Variants in HERC2 observed in about 807,000 individuals in gnomAD.
HERC2 encodes HECT and RLD domain containing E3 ubiquitin protein ligase 2.
A neutral mutation model predicts 537.7 loss-of-function variants in HERC2; 102 were observed. The observed-to-expected ratio is 0.19, with a 90% CI of 0.16 to 0.22. The LOEUF is 0.22. HERC2 is among the 10% of genes least tolerant of loss of function. HERC2 has a pLI of 1.00. For missense variants in HERC2, 4,236 were observed against 6,198.2 expected, an observed-to-expected ratio of 0.68 and a Z score of 10.63; for synonymous variants, 2,224 against 2,466.2, an observed-to-expected ratio of 0.90 and a Z score of 2.91.
chr15:28,265,314 G>A lies in HERC2; in HGVS notation c.1870+304C>T, dbSNP rs117743506. 0.016 allele frequency among the ~76,000 whole-genome samples: 2,382 copies of A among 152,278 alleles called. 32 individuals are homozygous for A. Among genetic ancestry groups the A allele is most frequent in the Middle Eastern group, 0.044 (13 of 294 alleles). Reference sequence around the variant, plus strand: ...CACAGGGAATCAAGAGTGGCCGAACGTTAAGAAATGTAATAATACTAACCA... The same window carrying A: ...CACAGGGAATCAAGAGTGGCCGAACATTAAGAAATGTAATAATACTAACCA... On this transcript the variant is annotated intron_variant, in intron 14 of 92. Transcript: ENST00000261609. This position sits in a 1 kb window ranked among gnomAD's most constrained non-coding sequence, Gnocchi z 4.0.
rs1337114683 is a variant in HERC2, at chr15:28,248,680, G to C, written c.3107C>G (p.Ser1036Ter). 1 of 1,614,040 alleles carries C rather than the reference G, an allele frequency of 6.2e-7. No homozygotes were observed. ...RLKDVARRISSCLDFEQHSRE... is the reference protein window; with the variant it reads ...RLKDVARRIS ...ACTGTGTTGCTCAAAGTCCAGACAT[G>C]ATGAAATCCGACGGGCAACATCTTT... The change falls in exon 21 of 93, where the codon TCA becomes TGA. Residue 1036 changes from serine (S) to a stop codon, truncating the protein, a stop_gained. Transcript: ENST00000261609. LOFTEE classifies it high-confidence loss of function.
chr15:28,111,326 T>C lies in HERC2; in HGVS notation c.*437A>G, dbSNP rs114097653. 101 of 162,880 alleles carry C rather than the reference T, an allele frequency of 6.2e-4. No homozygotes were observed. Among genetic ancestry groups the C allele is most frequent in the African/African-American group, 2.3e-3 (97 of 41,964 alleles). The allele number at this position is 162,880 out of a possible 1,614,324, so 10.1% of individuals were successfully genotyped here. ...ATAAACAAATTCAGAGTAAAATTAATTGAAATATTTATAATACGATTTGTT... is the reference window on the plus strand; with the variant it reads ...ATAAACAAATTCAGAGTAAAATTAACTGAAATATTTATAATACGATTTGTT... On this transcript the variant is annotated 3_prime_UTR_variant, in exon 93 of 93. Transcript: ENST00000261609.
intron 2 of HERC2, among the ~76,000 whole-genome samples, chr15:28,304,852 CCT>C (rs1221295225): frequency 1.3e-4 from 15 of 113,940 alleles, no homozygotes; most frequent in African/African-American, 4.5e-4. Context: ...CAATGCTACC[CCT>C]CCCCCCTCCC....
chr15:28,144,953 CACA>C, intron 71 of HERC2, 149 bp from the exon 72 acceptor site: 1 of 922,718 alleles, frequency 1.1e-6, no homozygotes. Context: ...TGCACAGTGA[CACA>C]ACACTCTTGG....
chr15:28,227,673 C>T (rs1481445894), intron 35 of HERC2, among the ~76,000 whole-genome samples: 1 of 152,096 alleles, frequency 6.6e-6, no homozygotes, highest in Non-Finnish European at 1.5e-5. Flanking sequence ...TAGAAACAAG[C>T]ATTCAAACAA....
At position 28,128,305 on chromosome 15, in the gene HERC2, G is replaced by A. The variant is rs529271674; in HGVS notation, c.12802+1858C>T. On this transcript the variant is annotated intron_variant, in intron 83 of 92. Transcript: ENST00000261609. Reference sequence around the variant, plus strand: ...GGGGTGGGGGAGTGTGAACTGGCTGGCAGGACGAGCCTCCCTGTTTGTGGG... The same window carrying A: ...GGGGTGGGGGAGTGTGAACTGGCTGACAGGACGAGCCTCCCTGTTTGTGGG... Among the ~76,000 whole-genome samples, 117 of 152,278 alleles carry A rather than the reference G, an allele frequency of 7.7e-4. 1 individual carries two copies. The highest frequency in any genetic ancestry group is 2.7e-3 in the African/African-American group (111 of 41,572).
intron 78 of HERC2, among the ~76,000 whole-genome samples, chr15:28,141,167 G>C (rs1365271547): frequency 1.3e-5 from 2 of 152,032 alleles, no homozygotes; most frequent in Non-Finnish European, 2.9e-5. Context: ...GAACTCAGGA[G>C]GTGGAGGTTG....
chr15:28,226,336 A>G (rs1379080931), intron 35 of HERC2, among the ~76,000 whole-genome samples: 3 of 151,452 alleles, frequency 2.0e-5, no homozygotes, highest in African/African-American at 7.4e-5. Context: ...CATCTTGAGA[A>G]AGAAAACACA....
At position 28,113,027 on chromosome 15, in the gene HERC2, G is replaced by A. The variant is rs530159054; in HGVS notation, c.14232+44C>T. The A allele has an allele frequency of 1.5e-5, 24 of 1,554,630 alleles. 1 individual carries two copies. The highest frequency in any genetic ancestry group is 6.9e-5 in the Admixed American group (4 of 58,368). Reference sequence around the variant, plus strand: ...GGTGAGGAGCCAGCCACCCACCGTCGGCCGACATCAGCCCAGGGCCGGCAA... The same window carrying A: ...GGTGAGGAGCCAGCCACCCACCGTCAGCCGACATCAGCCCAGGGCCGGCAA... On this transcript the variant is annotated intron_variant, in intron 92 of 92. Coordinates refer to ENST00000261609, the MANE Select transcript of HERC2 (RefSeq NM_004667.6). This position sits in a 1 kb window ranked among gnomAD's most constrained non-coding sequence, Gnocchi z 7.0.
intron 85 of HERC2, 94 bp from the exon 86 acceptor site, chr15:28,121,523 G>A (rs1888887726): frequency 5.8e-6 from 6 of 1,039,896 alleles, no homozygotes; most frequent in Admixed American, 1.9e-5. Flanking sequence ...AATCTGTGTT[G>A]AAGACCTTCT....
At chr15:28,183,197 G>A (rs974901453) in intron 56 of HERC2, among the ~76,000 whole-genome samples, 1 of 152,044 alleles carries the variant, frequency 6.6e-6, no homozygotes, top group African/African-American at 2.4e-5. Context: ...CCCTCAACAG[G>A]TTAGGAGTTT....
At chr15:28,137,120 G>T (rs560429599) in intron 78 of HERC2, among the ~76,000 whole-genome samples, 2 of 152,050 alleles carry the variant, frequency 1.3e-5, no homozygotes, top group Admixed American at 1.3e-4. Context: ...ATTGGGAGGA[G>T]GGGAAAATAC....
rs895660040 is a variant in HERC2, at chr15:28,122,610, C to T, written c.13189-1181G>A. The stretch of plus-strand genomic sequence containing the variant: ...CCCTCCACAGGAGCACTCCCCTCTC[C>T]TCCCAGTCACCAGCCCGCCCACCTT... On this transcript the variant is annotated intron_variant, in intron 85 of 92. Transcript: ENST00000261609. The surrounding 1 kb of genome is among the most constrained non-coding windows in gnomAD (Gnocchi z 4.1). Among the ~76,000 whole-genome samples, 1 of 152,176 alleles carries T rather than the reference C, an allele frequency of 6.6e-6. No individual in the cohort carries two copies. The highest frequency in any genetic ancestry group is 2.4e-5 in the African/African-American group (1 of 41,448).
intron 86 of HERC2, among the ~76,000 whole-genome samples, chr15:28,120,648 T>C (rs975610695): frequency 8.5e-5 from 13 of 152,194 alleles, no homozygotes; most frequent in African/African-American, 2.9e-4. Context: ...GCCTATGAAA[T>C]TGGCAAAGAA....
chr15:28,141,404 C>A, intron 78 of HERC2, 28 bp downstream of exon 78: 1 of 1,607,730 alleles, frequency 6.2e-7, no homozygotes, highest in African/African-American at 1.3e-5. Flanking sequence ...GGCTCAATGA[C>A]CTTGTGACAT....
At chr15:28,126,352 T>A (rs886103713) in intron 83 of HERC2, among the ~76,000 whole-genome samples, 1 of 152,194 alleles carries the variant, frequency 6.6e-6, no homozygotes, top group Non-Finnish European at 1.5e-5. Flanking sequence ...AAAGTAGATC[T>A]ACCATTTGAT....
intron 4 of HERC2, among the ~76,000 whole-genome samples, chr15:28,286,520 A>G (rs966475489): frequency 1.3e-5 from 2 of 152,222 alleles, no homozygotes; most frequent in African/African-American, 4.8e-5. Flanking sequence ...ACATAATTAC[A>G]TATCAATTGA....
chr15:28,251,209 A>G (rs537297639), intron 20 of HERC2, among the ~76,000 whole-genome samples: 63 of 152,282 alleles, frequency 4.1e-4, no homozygotes, highest in African/African-American at 1.4e-3. Flanking sequence ...TTTGGAGGCC[A>G]AGGCGGGCAG....
intron 53 of HERC2, among the ~76,000 whole-genome samples, chr15:28,191,530 G>A (rs928791818): frequency 3.3e-5 from 5 of 152,174 alleles, no homozygotes; most frequent in African/African-American, 1.2e-4. Flanking sequence ...CACTACAGTC[G>A]AGATGGAGAA....
Sources: gnomAD v4.1 joint callset for allele counts (sites outside exome capture counted in the v4.1 genomes callset) on GRCh38, gnomAD v4.1.1 for gene constraint, Gnocchi (gnomAD v3.1) non-coding constraint, MANE v1.5 for transcripts, NCBI Gene and HGNC (gene_info 2026-07-23, HGNC 2026-07-21) for gene names.